KSR2: variants seen among roughly 807,000 people sequenced by gnomAD.
KSR2 encodes the protein kinase suppressor of ras 2.
KSR2 carries 25 observed loss-of-function variants against 107.8 expected under a neutral mutation model. The ratio of observed to expected loss-of-function variants is 0.23; its 90% confidence interval spans 0.17 to 0.32. The LOEUF (loss-of-function observed/expected upper bound fraction) is 0.32, where lower values mean the gene tolerates loss of function less well. Ranked by LOEUF, KSR2 falls within the 10% of genes least tolerant of loss-of-function variation. The pLI is 1.00. For missense variants in KSR2, 887 were observed against 1,268.9 expected (o/e 0.70, Z 4.57); for synonymous variants, 480 against 507.0 (o/e 0.95, Z 0.71).
At chr12:117,503,268 G>A (rs914679572) in intron 14 of KSR2, among the ~76,000 whole-genome samples, 1 of 152,172 alleles carries the variant, frequency 6.6e-6, no homozygotes, top group Non-Finnish European at 1.5e-5. Context: ...CATAGGTCTG[G>A]AAGGGTTAAA....
rs1213715760 is a variant in KSR2 at position 117,882,558 on chromosome 12, C to A, written c.181-22127G>T. Among the ~76,000 whole-genome samples, 4 of 152,118 alleles carry A rather than the reference C, an allele frequency of 2.6e-5. No individual in the cohort carries two copies. The East Asian group carries it at 7.7e-4, about 29-fold the overall frequency. On this transcript the variant is annotated intron_variant, in intron 1 of 19. Transcript: ENST00000339824. The stretch of plus-strand genomic sequence containing the variant: ...ACACCCATACATCTAGCCATCTATC[C>A]ATTCATCCATCCAACCACCCATCCA...
chr12:117,580,736 C>G (rs16947753), intron 6 of KSR2, among the ~76,000 whole-genome samples: 2,045 of 152,280 alleles, frequency 0.013, 49 homozygotes, highest in African/African-American at 0.047. Flanking sequence ...CTCTGGGCAT[C>G]AGCTTTTGAA....
intron 1 of KSR2, among the ~76,000 whole-genome samples, chr12:117,883,076 C>T (rs1251392090): frequency 6.6e-6 from 1 of 152,170 alleles, no homozygotes; most frequent in Non-Finnish European, 1.5e-5. Flanking sequence ...TCTATCCATC[C>T]ATTCATCCCT....
At chr12:117,584,957 G>T (rs892215564) in intron 5 of KSR2, among the ~76,000 whole-genome samples, 4 of 152,184 alleles carry the variant, frequency 2.6e-5, no homozygotes, top group African/African-American at 9.7e-5. Context: ...AGTCTTCCAG[G>T]AGCCCCCGCA....
At chr12:117,469,542 G>C in intron 19 of KSR2, 120 bp downstream of exon 19, 1 of 1,195,824 alleles carries the variant, frequency 8.4e-7, no homozygotes, top group Non-Finnish European at 1.2e-6. Flanking sequence ...GTTGCCGAAG[G>C]GTGGGCACAT....
intron 3 of KSR2, among the ~76,000 whole-genome samples, chr12:117,782,114 G>A (rs893618470): frequency 9.2e-5 from 14 of 152,152 alleles, no homozygotes; most frequent in Non-Finnish European, 1.9e-4. Flanking sequence ...TTTATTGAGT[G>A]CATACTATGG....
At chr12:117,674,435 A>G (rs1267139855) in intron 4 of KSR2, 1 of 455,298 alleles carries the variant, frequency 2.2e-6, no homozygotes, top group African/African-American at 2.0e-5. Flanking sequence ...TTCATATTGG[A>G]AGATCACAAC....
At chr12:117,532,520 T>C (rs188889480) in intron 10 of KSR2, among the ~76,000 whole-genome samples, 38 of 152,348 alleles carry the variant, frequency 2.5e-4, no homozygotes, top group Middle Eastern at 6.8e-3. Flanking sequence ...CCTACTGTCC[T>C]GTAAAGCAGC....
chr12:117,930,244 G>A (rs1895659762), intron 1 of KSR2, among the ~76,000 whole-genome samples: 1 of 152,058 alleles, frequency 6.6e-6, no homozygotes, highest in African/African-American at 2.4e-5. Flanking sequence ...ATGTTGCCCA[G>A]GCGGGTCTCA....
At chr12:117,629,318 A>G (rs1275887972) in intron 5 of KSR2, among the ~76,000 whole-genome samples, 1 of 152,188 alleles carries the variant, frequency 6.6e-6, no homozygotes, top group Non-Finnish European at 1.5e-5. Context: ...AGCTGTTCCT[A>G]TTTGGCCATC....
intron 1 of KSR2, among the ~76,000 whole-genome samples, chr12:117,868,237 G>A (rs1893539590): frequency 6.6e-6 from 1 of 152,016 alleles, no homozygotes; most frequent in Admixed American, 6.6e-5. Context: ...AGACTATTCT[G>A]GTCAACATAG....
At chr12:117,538,817 T>G (rs1445439853) in intron 10 of KSR2, among the ~76,000 whole-genome samples, 3 of 152,292 alleles carry the variant, frequency 2.0e-5, no homozygotes, top group Non-Finnish European at 4.4e-5. Flanking sequence ...TAGACTCTGG[T>G]TCCAACTGGC....
intron 14 of KSR2, among the ~76,000 whole-genome samples, chr12:117,494,408 C>T (rs1872913497): frequency 6.6e-6 from 1 of 152,172 alleles, no homozygotes; most frequent in Admixed American, 6.5e-5. Flanking sequence ...GCTGGCACTA[C>T]CCCAACCACC....
chr12:117,687,387 G>T lies in KSR2; in HGVS notation c.987-19729C>A, dbSNP rs1289644870. On this transcript the variant is annotated intron_variant, in intron 4 of 19. Coordinates refer to ENST00000339824, the MANE Select transcript of KSR2 (RefSeq NM_173598.6). ...ATCTCTTTTTCCACGAGAGTTTGAA[G>T]AACTGTTGCCTGAAATTAGTGGGTT... Among the ~76,000 whole-genome samples the T allele has an allele frequency of 2.0e-5, 3 of 152,198 alleles. No homozygotes were observed. In the East Asian group the frequency reaches 5.8e-4, roughly 29 times the overall value.
intron 4 of KSR2, among the ~76,000 whole-genome samples, chr12:117,702,065 C>A (rs536262030): frequency 6.6e-6 from 1 of 152,362 alleles, no homozygotes; most frequent in South Asian, 2.1e-4. Flanking sequence ...CCTTCCTTGT[C>A]ACTCAAGTGC....
intron 4 of KSR2, among the ~76,000 whole-genome samples, chr12:117,669,671 C>T (rs1884822199): frequency 6.6e-6 from 1 of 152,012 alleles, no homozygotes; most frequent in South Asian, 2.1e-4. Context: ...AGTTTGCAGC[C>T]AGCCTGGGCA....
chr12:117,828,576 T>G (rs1363060573), intron 3 of KSR2, among the ~76,000 whole-genome samples: 1 of 152,246 alleles, frequency 6.6e-6, no homozygotes, highest in African/African-American at 2.4e-5. Flanking sequence ...CACAGATCAC[T>G]AAGCCCTTTT....
At chr12:117,840,346 C>T (rs533987306) in intron 3 of KSR2, among the ~76,000 whole-genome samples, 4 of 152,168 alleles carry the variant, frequency 2.6e-5, no homozygotes, top group South Asian at 2.1e-4. Context: ...GATCCACCCA[C>T]CTTGGCCTCC....
intron 3 of KSR2, among the ~76,000 whole-genome samples, chr12:117,786,652 C>A (rs909988697): frequency 6.6e-6 from 1 of 151,978 alleles, no homozygotes; most frequent in African/African-American, 2.4e-5. Context: ...TCCGTCTCTA[C>A]TAAAAATACA....
Sources: allele counts gnomAD v4.1 joint callset (sites outside exome capture counted in the v4.1 genomes callset), GRCh38; gene constraint gnomAD v4.1.1; transcripts MANE v1.5; gene names NCBI Gene and HGNC (gene_info 2026-07-23, HGNC 2026-07-21).